The following GSG1L2 variants were observed in gnomAD, a reference collection of about 807,000 sequenced individuals.
GSG1L2 encodes germ cell-specific gene 1-like protein 2.
A neutral mutation model predicts 9.0 loss-of-function variants in GSG1L2; 15 were observed. The observed-to-expected ratio is 1.67, with a 90% CI of 1.12 to 2.57. The LOEUF (loss-of-function observed/expected upper bound fraction) is 2.57. Among genes scored for constraint, GSG1L2 ranks in the 30% most tolerant of loss-of-function variants. GSG1L2 has a pLI of 0.00. For missense variants in GSG1L2, 286 were observed against 150.3 expected, an observed-to-expected ratio of 1.90 and a Z score of -4.72; for synonymous variants, 127 against 57.9, an observed-to-expected ratio of 2.19 and a Z score of -5.41.
intron 1 of GSG1L2, among the ~76,000 whole-genome samples, chr17:9,811,630 A>G (rs577785194): frequency 6.6e-6 from 1 of 152,310 alleles, no homozygotes; most frequent in South Asian, 2.1e-4. Context: ...CTAACACGTC[A>G]GCCCAAAATA....
intron 4 of GSG1L2, among the ~76,000 whole-genome samples, chr17:9,806,053 A>C (rs554716278): frequency 5.5e-4 from 84 of 152,318 alleles, no homozygotes; most frequent in African/African-American, 2.0e-3. Flanking sequence ...GATGTCAGAA[A>C]GCCAAAAACT....
rs530718313 is a variant in GSG1L2 at position 9,813,688 on chromosome 17, G to A, written c.311-3070C>T. On this transcript the variant is annotated intron_variant, in intron 1 of 4. Coordinates refer to ENST00000399363, the MANE Select transcript of GSG1L2 (RefSeq NM_001310219.2). ...GGGCTGATGCAGAGCCTTCTCTCACGTCGCCTCATCCGATCCCAACCATAC... is the reference window on the plus strand; with the variant it reads ...GGGCTGATGCAGAGCCTTCTCTCACATCGCCTCATCCGATCCCAACCATAC... 3.3e-5 allele frequency among the ~76,000 whole-genome samples: 5 copies of A among 152,252 alleles called. No individual in the cohort carries two copies. In the South Asian group the frequency reaches 6.2e-4, roughly 19 times the overall value.
At chr17:9,811,011 A>G (rs1479193918) in intron 1 of GSG1L2, 1 of 200,378 alleles carries the variant, frequency 5.0e-6, no homozygotes, top group Non-Finnish European at 1.0e-5. Flanking sequence ...TCTATACAGA[A>G]TGAGCTAAAA....
At chr17:9,814,827 C>T (rs149837201) in intron 1 of GSG1L2, among the ~76,000 whole-genome samples, 166 of 152,294 alleles carry the variant, frequency 1.1e-3, no homozygotes, top group African/African-American at 3.8e-3. Flanking sequence ...GCCCCCACTC[C>T]GCCCCTATCC....
chr17:9,810,849 T>C (rs2066536415), intron 1 of GSG1L2: 1 of 562,486 alleles, frequency 1.8e-6, no homozygotes, highest in South Asian at 2.2e-5. Context: ...AAAAATGAGG[T>C]GGATCTGAGC....
At chr17:9,810,480 C>T (rs879685695) in intron 2 of GSG1L2, 91 bp downstream of exon 2, 8 of 679,300 alleles carry the variant, frequency 1.2e-5, no homozygotes, top group Admixed American at 4.3e-5. Flanking sequence ...ATCAATGACT[C>T]CCTCATCATT....
intron 1 of GSG1L2, among the ~76,000 whole-genome samples, chr17:9,814,128 G>A (rs9892924): frequency 0.039 from 5,981 of 152,150 alleles, 352 homozygotes; most frequent in African/African-American, 0.13. Context: ...TAGAGACAGG[G>A]TTTCACCATG....
intron 1 of GSG1L2, among the ~76,000 whole-genome samples, chr17:9,816,870 C>CTGTGTGTATCTG: frequency 8.3e-6 from 1 of 121,080 alleles, no homozygotes; most frequent in African/African-American, 3.3e-5. Flanking sequence ...ATGTGTGTGT[C>CTGTGTGTATCTG]TGTGTGTGTA....
chr17:9,822,020 C>T lies in GSG1L2; in HGVS notation c.52G>A (p.Ala18Thr), dbSNP rs753685073. Reference sequence around the variant, plus strand: ...ACGGCGGTGAGGGAGAAGGTGAGGGCGAGGCAGACAGGGAGGAGGAGCAGC... The same window carrying T: ...ACGGCGGTGAGGGAGAAGGTGAGGGTGAGGCAGACAGGGAGGAGGAGCAGC... ...QALLLLPVCL[A>T]LTFSLTAVVS... The change falls in exon 1 of 5, where the codon GCC becomes ACC. Residue 18 changes from alanine (A) to threonine (T), a missense_variant. Transcript: ENST00000399363. The T allele has an allele frequency of 6.8e-5, 48 of 702,894 alleles. No homozygotes were observed. Among genetic ancestry groups the T allele is most frequent in the Admixed American group, 4.6e-4 (23 of 50,026 alleles). The allele number at this position is 702,894 out of a possible 1,614,324, so 43.5% of individuals were successfully genotyped here. A position where few individuals can be genotyped will look rare whatever the true frequency, so the allele number is the denominator to read the frequency against.
chr17:9,808,715 T>A (rs764971333), intron 3 of GSG1L2, 115 bp downstream of exon 3: 10 of 615,504 alleles, frequency 1.6e-5, no homozygotes, highest in African/African-American at 3.6e-5. Flanking sequence ...CCCGCCCTGC[T>A]TAAATGGCCA....
At chr17:9,812,628 T>C (rs536317379) in intron 1 of GSG1L2, among the ~76,000 whole-genome samples, 1 of 151,948 alleles carries the variant, frequency 6.6e-6, no homozygotes, top group South Asian at 2.1e-4. Flanking sequence ...GCTTCTTTCA[T>C]TTTTTTTATT....
intron 1 of GSG1L2, among the ~76,000 whole-genome samples, chr17:9,819,439 A>G (rs1394457107): frequency 6.6e-6 from 1 of 152,232 alleles, no homozygotes; most frequent in Non-Finnish European, 1.5e-5. Context: ...AGCCATGGCT[A>G]TGTAACCATA....
chr17:9,817,759 C>G (rs1448607321), intron 1 of GSG1L2, among the ~76,000 whole-genome samples: 1 of 152,170 alleles, frequency 6.6e-6, no homozygotes, highest in Non-Finnish European at 1.5e-5. Flanking sequence ...AATGTCTGCT[C>G]AGTTCCTCCT....
chr17:9,803,853 A>G (rs2066507185), intron 4 of GSG1L2: 1 of 152,208 alleles, frequency 6.6e-6, no homozygotes, highest in Admixed American at 6.5e-5. Context: ...GACATCCTGG[A>G]TGCGGCTGCA....
intron 1 of GSG1L2, among the ~76,000 whole-genome samples, chr17:9,819,066 C>G (rs1174170250): frequency 6.6e-6 from 1 of 152,176 alleles, no homozygotes; most frequent in Non-Finnish European, 1.5e-5. Context: ...AGGTGGGCTC[C>G]TCAGACTCTA....
At chr17:9,807,703 G>T in intron 3 of GSG1L2, 102 bp from the exon 4 acceptor site, 1 of 680,240 alleles carries the variant, frequency 1.5e-6, no homozygotes, top group Non-Finnish European at 2.7e-6. Flanking sequence ...CATTCATAAA[G>T]TCCTTTTGAT....
chr17:9,810,481 C>T (rs972948829), intron 2 of GSG1L2, 90 bp downstream of exon 2: 9 of 679,360 alleles, frequency 1.3e-5, no homozygotes, highest in African/African-American at 1.1e-4. Context: ...TCAATGACTC[C>T]CTCATCATTT....
At chr17:9,818,501 ATTTTTTTTT>A (rs377057350) in intron 1 of GSG1L2, among the ~76,000 whole-genome samples, 102 of 82,802 alleles carry the variant, frequency 1.2e-3, no homozygotes, top group African/African-American at 4.5e-3. Context: ...ACACAGCTAA[ATTTTTTTTT>A]TTTTTTTTTT....
intron 1 of GSG1L2, among the ~76,000 whole-genome samples, chr17:9,817,673 C>A (rs77513860): frequency 0.047 from 7,084 of 152,154 alleles, 423 homozygotes; most frequent in East Asian, 0.23. Context: ...GATCTGCCCT[C>A]CTTAGCCTCA....
Sources: allele counts gnomAD v4.1 joint callset (sites outside exome capture counted in the v4.1 genomes callset), GRCh38; gene constraint gnomAD v4.1.1; transcripts MANE v1.5; gene names NCBI Gene and HGNC (gene_info 2026-07-23, HGNC 2026-07-21).